The following FAHD2B variants were observed in gnomAD, a reference collection of about 807,000 sequenced individuals.
FAHD2B encodes the protein oxaloacetate tautomerase FAHD2B, mitochondrial.
A neutral mutation model predicts 33.7 loss-of-function variants in FAHD2B; 26 were observed. The ratio of observed to expected loss-of-function variants is 0.77; its 90% CI spans 0.57 to 1.07. FAHD2B has a LOEUF of 1.07. Among genes scored for constraint, FAHD2B ranks in the 50% least tolerant of loss-of-function variants. The pLI is 0.00. For synonymous variants in FAHD2B, 108 were observed against 150.9 expected, an observed-to-expected ratio of 0.72 and a Z score of 2.08; for missense variants, 272 against 388.1, an observed-to-expected ratio of 0.70 and a Z score of 2.51.
chr2:97,090,708 C>T (rs1039616541), intron 3 of FAHD2B, among the ~76,000 whole-genome samples: 3 of 151,994 alleles, frequency 2.0e-5, no homozygotes, highest in African/African-American at 7.2e-5. Context: ...TTTAAAAAAA[C>T]AACTGACTTT....
Position 97,083,988 on chromosome 2 carries a change from G to A in FAHD2B, c.842C>T (p.Pro281Leu). 1 of 1,613,492 alleles carries A rather than the reference G, an allele frequency of 6.2e-7. No individual in the cohort carries two copies. Among genetic ancestry groups the A allele is most frequent in the East Asian group, 2.2e-5 (1 of 44,864 alleles). ...AGGTTTCCTGAATACACCGACACCT[G>A]GGGGGGTCCCAGTTAGGATGACATC... The part of the protein sequence containing the change: ...PGDVILTGTP[P>L]GVGVFRKPPV... Residue 281 changes from proline to leucine, a missense_variant, in exon 8 of 9, where the codon CCA (proline) becomes CTA (leucine). Physicochemically the swap from Pro to Leu is moderately conservative, Grantham distance 98. Coordinates refer to ENST00000414820, the MANE Select transcript of FAHD2B (RefSeq NM_001320848.2).
chr2:97,082,103 A>C, downstream of FAHD2B: 19 of 1,581,970 alleles, frequency 1.2e-5, no homozygotes, highest in Non-Finnish European at 1.6e-5. Context: ...ACCGAGGGCC[A>C]GTACTCCAGG....
At chr2:97,085,511 G>C (rs1381305922) in intron 6 of FAHD2B, among the ~76,000 whole-genome samples, 188 bp downstream of exon 6, 1 of 152,062 alleles carries the variant, frequency 6.6e-6, no homozygotes, top group Non-Finnish European at 1.5e-5. Context: ...GTTCCCTCTA[G>C]GGGGCTTGGG....
chr2:97,086,120 C>A lies in FAHD2B; in HGVS notation c.522+19G>T, dbSNP rs1328340770. ...CCTCTGCTGCACTCTGGCCTGGGAG[C>A]CCACCCTTTCCACCTCACCTTGATG... On this transcript the variant is annotated intron_variant, in intron 5 of 8. Coordinates refer to ENST00000414820, the MANE Select transcript of FAHD2B (RefSeq NM_001320848.2). 1 of 1,612,214 alleles carries A rather than the reference C, an allele frequency of 6.2e-7. No homozygotes were observed. The highest frequency in any genetic ancestry group is 1.1e-5 in the South Asian group (1 of 90,542).
intron 6 of FAHD2B, among the ~76,000 whole-genome samples, chr2:97,084,773 C>G (rs2031854753): frequency 1.3e-5 from 2 of 151,788 alleles, no homozygotes; most frequent in Non-Finnish European, 2.9e-5. Context: ...ATTAGTCAGG[C>G]GTGGTGGTGC....
chr2:97,088,173 T>A (rs777149636), intron 4 of FAHD2B, among the ~76,000 whole-genome samples: 3 of 152,152 alleles, frequency 2.0e-5, no homozygotes, highest in Non-Finnish European at 4.4e-5. Flanking sequence ...CATTTCTGTA[T>A]CGTCCCTGGT....
At chr2:97,087,890 A>C (rs2032092643) in intron 4 of FAHD2B, among the ~76,000 whole-genome samples, 1 of 152,114 alleles carries the variant, frequency 6.6e-6, no homozygotes, top group African/African-American at 2.4e-5. Flanking sequence ...AACGTCAGCT[A>C]AACCAAGTGG....
At chr2:97,082,761 G>A, downstream of FAHD2B, 1 of 1,534,424 alleles carries the variant, frequency 6.5e-7, no homozygotes, top group South Asian at 1.1e-5. Flanking sequence ...ACCTAGGGGT[G>A]AGAGGAGCCA....
chr2:97,079,796 C>T (rs2031585169), downstream of FAHD2B, among the ~76,000 whole-genome samples: 3 of 151,870 alleles, frequency 2.0e-5, no homozygotes, highest in Admixed American at 2.0e-4. Flanking sequence ...TCCCGAGTAG[C>T]TGGGAGTACA....
chr2:97,089,315 CTG>C (rs1413276355), intron 4 of FAHD2B, among the ~76,000 whole-genome samples: 2 of 151,496 alleles, frequency 1.3e-5, no homozygotes, highest in African/African-American at 4.8e-5. Context: ...GGCCAAGAGA[CTG>C]AGACCATCCT....
chr2:97,082,397 A>C, downstream of FAHD2B: 1 of 1,613,678 alleles, frequency 6.2e-7, no homozygotes, highest in Non-Finnish European at 8.5e-7. Context: ...TCTCTTCTGC[A>C]GAGTCGGGCT....
downstream of FAHD2B, chr2:97,083,262 C>G (rs570206308): frequency 2.7e-5 from 44 of 1,607,152 alleles, no homozygotes; most frequent in Non-Finnish European, 3.6e-5. Context: ...GTAGCTAGAA[C>G]TGTGAGGAGG....
At chr2:97,088,836 A>G (rs552462805) in intron 4 of FAHD2B, among the ~76,000 whole-genome samples, 8 of 152,142 alleles carry the variant, frequency 5.3e-5, no homozygotes, top group Admixed American at 1.3e-4. Flanking sequence ...CATGCAAGCC[A>G]TTGTCCTTAT....
chr2:97,091,774 G>C, intron 2 of FAHD2B, 62 bp from the exon 3 acceptor site: 1 of 1,557,646 alleles, frequency 6.4e-7, no homozygotes, highest in Non-Finnish European at 8.7e-7. Context: ...CAGCATCCCT[G>C]ATATTCCTAG....
downstream of FAHD2B, among the ~76,000 whole-genome samples, chr2:97,080,363 T>C (rs2031599832): frequency 1.3e-5 from 2 of 152,240 alleles, no homozygotes; most frequent in South Asian, 4.2e-4. Flanking sequence ...CCATTGCTTG[T>C]TTTTGTCAGG....
rs142838047 is a variant in FAHD2B at position 97,091,512 on chromosome 2, C to T, written c.195G>A (p.Thr65=). The change falls in exon 3 of 9, where the codon ACG becomes ACA. Residue 65 remains threonine (T), a synonymous_variant. Coordinates refer to ENST00000414820, the MANE Select transcript of FAHD2B (RefSeq NM_001320848.2). ...LNAFDPTLPK[T]MTQFLEQGEA... is the part of the protein sequence containing the mutation. ...CTCCCTGCTCTAGGAACTGCGTCAT[C>T]GTCTTTGGGAGTGTGGGGTCAAAGG... 3.6e-3 allele frequency: 5,680 copies of T among 1,594,096 alleles called. 30 individuals carry two copies. Among genetic ancestry groups the T allele is most frequent in the South Asian group, 0.013 (1,137 of 90,148 alleles).
At chr2:97,089,615 C>A (rs2924054) in intron 4 of FAHD2B, 19 of 153,974 alleles carry the variant, frequency 1.2e-4, no homozygotes, top group Admixed American at 8.2e-4. Context: ...TTATAGAAAC[C>A]AAAAACTGGA....
intron 3 of FAHD2B, among the ~76,000 whole-genome samples, chr2:97,090,956 TATTGTTCATC>T (rs1196053193): frequency 8.1e-6 from 1 of 123,172 alleles, no homozygotes; most frequent in Non-Finnish European, 1.8e-5. Context: ...ATTTTTAATT[TATTGTTCATC>T]AGCTCCTTAG....
downstream of FAHD2B, chr2:97,082,807 A>G: frequency 4.7e-6 from 6 of 1,285,298 alleles, no homozygotes; most frequent in South Asian, 5.9e-5. Context: ...TCCCACCCCA[A>G]TAGAGTGGCT....
Sources: allele counts gnomAD v4.1 joint callset (sites outside exome capture counted in the v4.1 genomes callset), GRCh38; gene constraint gnomAD v4.1.1; transcripts MANE v1.5; gene names NCBI Gene and HGNC (gene_info 2026-07-23, HGNC 2026-07-21).